The following ARHGAP10 variants were observed in gnomAD, a reference collection of about 807,000 sequenced individuals.
ARHGAP10 encodes rho GTPase-activating protein 10.
In ARHGAP10, 87 loss-of-function variants were observed where a neutral mutation model predicts 108.6. The observed-to-expected ratio is 0.80, with a 90% confidence interval of 0.67 to 0.96. The LOEUF (loss-of-function observed/expected upper bound fraction) is 0.96, where lower values mean the gene tolerates loss of function less well. ARHGAP10 is among the 40% of genes least tolerant of loss of function. The pLI is 0.00. For synonymous variants in ARHGAP10, 347 were observed against 341.1 expected (o/e 1.02, Z -0.19); for missense variants, 939 against 954.5 (o/e 0.98, Z 0.21).
At chr4:147,737,856 G>A (rs759683668) in intron 1 of ARHGAP10, among the ~76,000 whole-genome samples, 2 of 152,150 alleles carry the variant, frequency 1.3e-5, no homozygotes, top group Non-Finnish European at 2.9e-5. Context: ...CCTATTTAGA[G>A]CTTCCCACCA....
At chr4:147,874,884 G>C in intron 7 of ARHGAP10, 137 bp from the exon 8 acceptor site, 4 of 878,358 alleles carry the variant, frequency 4.6e-6, no homozygotes, top group Non-Finnish European at 6.3e-6. Context: ...GGAAAGAATG[G>C]GGGTATTTTG....
chr4:147,971,979 G>C (rs1739427380), intron 18 of ARHGAP10, among the ~76,000 whole-genome samples: 1 of 152,112 alleles, frequency 6.6e-6, no homozygotes, highest in African/African-American at 2.4e-5. Flanking sequence ...AAGGGGTCTT[G>C]GGGAAGGTGT....
chr4:148,026,227 T>G (rs1406553333), intron 19 of ARHGAP10, among the ~76,000 whole-genome samples: 1 of 152,186 alleles, frequency 6.6e-6, no homozygotes, highest in Non-Finnish European at 1.5e-5. Flanking sequence ...ACAGCCAGTC[T>G]TGGAACACAC....
chr4:148,058,851 T>C (rs1729477211), intron 20 of ARHGAP10, among the ~76,000 whole-genome samples: 1 of 152,204 alleles, frequency 6.6e-6, no homozygotes, highest in Admixed American at 6.5e-5. Context: ...TTCAGGCCCA[T>C]GTTTCCAAGC....
At chr4:147,790,922 A>T (rs924897096) in intron 1 of ARHGAP10, among the ~76,000 whole-genome samples, 15 of 151,748 alleles carry the variant, frequency 9.9e-5, no homozygotes, top group Non-Finnish European at 1.9e-4. Context: ...GGCTCCTGTG[A>T]CCCCTCCTCA....
At chr4:148,052,907 G>A (rs905151098) in intron 20 of ARHGAP10, among the ~76,000 whole-genome samples, 2 of 152,144 alleles carry the variant, frequency 1.3e-5, no homozygotes, top group South Asian at 2.1e-4. Context: ...CCTCTTGGGG[G>A]TCTGGGGATT....
At chr4:147,926,120 T>A (rs991477536) in intron 13 of ARHGAP10, among the ~76,000 whole-genome samples, 1 of 152,124 alleles carries the variant, frequency 6.6e-6, no homozygotes, top group Admixed American at 6.5e-5. Context: ...AGCAGTTGTA[T>A]CCAGAGGGTG....
At chr4:148,039,281 T>C (rs897850325) in intron 19 of ARHGAP10, among the ~76,000 whole-genome samples, 4 of 151,986 alleles carry the variant, frequency 2.6e-5, no homozygotes, top group African/African-American at 9.7e-5. Context: ...GTAATAGTTT[T>C]ATTATGCCCT....
chr4:147,930,817 TTATCTC>T (rs976469598), intron 13 of ARHGAP10, among the ~76,000 whole-genome samples: 1 of 152,254 alleles, frequency 6.6e-6, no homozygotes, highest in African/African-American at 2.4e-5. Flanking sequence ...ACTCTAGCCT[TTATCTC>T]TACCTCTCTT....
At chr4:147,923,317 C>T (rs1406028100) in intron 13 of ARHGAP10, among the ~76,000 whole-genome samples, 1 of 152,202 alleles carries the variant, frequency 6.6e-6, no homozygotes, top group African/African-American at 2.4e-5. Flanking sequence ...GAGCCGCCCC[C>T]CATGAGCAGT....
chr4:147,977,572 GA>G (rs994160780), intron 18 of ARHGAP10, among the ~76,000 whole-genome samples: 3 of 152,148 alleles, frequency 2.0e-5, no homozygotes, highest in African/African-American at 7.2e-5. Flanking sequence ...ACATTCCATA[GA>G]CAGTTTAGTA....
intron 13 of ARHGAP10, among the ~76,000 whole-genome samples, chr4:147,936,476 CCGCCACCG>C (rs1737944635): frequency 6.6e-6 from 1 of 151,632 alleles, no homozygotes; most frequent in African/African-American, 2.4e-5. Flanking sequence ...CTACAGGCGC[CCGCCACCG>C]TGCCCGGCTA....
intron 15 of ARHGAP10, among the ~76,000 whole-genome samples, chr4:147,949,515 T>A (rs371155697): frequency 1.3e-5 from 2 of 152,230 alleles, no homozygotes; most frequent in African/African-American, 4.8e-5. Context: ...TCCTGGCATC[T>A]GGTGGCATCT....
At chr4:147,894,607 T>C (rs1735915980) in intron 10 of ARHGAP10, among the ~76,000 whole-genome samples, 1 of 139,666 alleles carries the variant, frequency 7.2e-6, no homozygotes, top group Admixed American at 6.7e-5. Context: ...CCAAGAAATA[T>C]TTTTTTTACT....
intron 20 of ARHGAP10, among the ~76,000 whole-genome samples, chr4:148,058,232 A>G (rs536516798): frequency 2.6e-5 from 4 of 152,216 alleles, no homozygotes; most frequent in African/African-American, 9.6e-5. Flanking sequence ...AGATCATTTC[A>G]CTAATGTGTT....
chr4:147,950,605 C>G (rs1738562492), intron 15 of ARHGAP10, among the ~76,000 whole-genome samples: 1 of 152,202 alleles, frequency 6.6e-6, no homozygotes, highest in African/African-American at 2.4e-5. Flanking sequence ...AAGCACCAAA[C>G]TAAAACAAGA....
At chr4:147,839,513 C>G (rs552518129) in intron 3 of ARHGAP10, among the ~76,000 whole-genome samples, 210 of 152,336 alleles carry the variant, frequency 1.4e-3, no homozygotes, top group African/African-American at 4.7e-3. Flanking sequence ...GTTATACTGA[C>G]TTACTCAGTT....
At chr4:147,753,059 A>G (rs1023693441) in intron 1 of ARHGAP10, among the ~76,000 whole-genome samples, 6 of 152,240 alleles carry the variant, frequency 3.9e-5, no homozygotes, top group African/African-American at 1.4e-4. Context: ...CCAAAGTCAT[A>G]TGGCAAAGTA....
At chr4:148,040,101 T>C (rs1418355154) in intron 19 of ARHGAP10, among the ~76,000 whole-genome samples, 1 of 152,202 alleles carries the variant, frequency 6.6e-6, no homozygotes, top group Non-Finnish European at 1.5e-5. Context: ...TTGCCTCCAC[T>C]GGGGTCACCT....
Sources: allele counts gnomAD v4.1 joint callset (sites outside exome capture counted in the v4.1 genomes callset), GRCh38; gene constraint gnomAD v4.1.1; transcripts MANE v1.5; gene names NCBI Gene and HGNC (gene_info 2026-07-23, HGNC 2026-07-21).